Variants in PRKN observed in about 807,000 individuals in gnomAD.
PRKN encodes the protein parkin RBR E3 ubiquitin protein ligase.
In PRKN, 56 loss-of-function variants were observed where a neutral mutation model predicts 59.5. The ratio of observed to expected loss-of-function variants is 0.94; its 90% confidence interval spans 0.76 to 1.18. PRKN has a LOEUF of 1.18. PRKN is among the 50% of genes most tolerant of loss of function. PRKN has a pLI of 0.00. For synonymous variants in PRKN, 250 were observed against 222.1 expected, an observed-to-expected ratio of 1.13 and a Z score of -1.12; for missense variants, 657 against 596.4, an observed-to-expected ratio of 1.10 and a Z score of -1.06.
chr6:162,472,750 C>A (rs1583632326), intron 1 of PRKN, among the ~76,000 whole-genome samples: 1 of 116,174 alleles, frequency 8.6e-6, no homozygotes, highest in East Asian at 2.9e-4. Flanking sequence ...CTTGGCCTCC[C>A]AAAGTGCTGG....
At chr6:162,556,366 T>TGTGTGTGTGTGTGTGC (rs1779587754) in intron 1 of PRKN, among the ~76,000 whole-genome samples, 1 of 98,298 alleles carries the variant, frequency 1.0e-5, no homozygotes, top group African/African-American at 3.0e-5. Context: ...TGTGTGTGTG[T>TGTGTGTGTGTGTGTGC]GTGTGTGTGT....
chr6:162,338,704 T>C (rs1783970295), intron 2 of PRKN, among the ~76,000 whole-genome samples: 1 of 149,806 alleles, frequency 6.7e-6, no homozygotes, highest in African/African-American at 2.5e-5. Context: ...TGTCTCTGCC[T>C]GGCCGCCCAT....
chr6:162,416,542 T>A (rs1330338813), intron 2 of PRKN, among the ~76,000 whole-genome samples: 1 of 152,226 alleles, frequency 6.6e-6, no homozygotes, highest in Non-Finnish European at 1.5e-5. Flanking sequence ...TTTGATAAAT[T>A]CAATTAAACC....
chr6:162,154,969 CAA>C (rs1156918855), intron 4 of PRKN, among the ~76,000 whole-genome samples: 1 of 115,992 alleles, frequency 8.6e-6, no homozygotes. Flanking sequence ...TCAGGTGATG[CAA>C]AAAAAAAAAC....
intron 6 of PRKN, among the ~76,000 whole-genome samples, chr6:161,866,465 C>T (rs1794115138): frequency 6.6e-6 from 1 of 152,026 alleles, no homozygotes; most frequent in Admixed American, 6.6e-5. Flanking sequence ...GTCCCAGCTA[C>T]TTGGGAGGCT....
chr6:162,267,033 C>T (rs772539385), intron 2 of PRKN, among the ~76,000 whole-genome samples: 21 of 152,044 alleles, frequency 1.4e-4, no homozygotes, highest in Non-Finnish European at 2.5e-4. Flanking sequence ...CCATGAAACA[C>T]GTGAAGAACC....
rs968263237 is a variant in PRKN at position 161,476,566 on chromosome 6, T to C, written c.1083+72288A>G. 5.3e-5 allele frequency among the ~76,000 whole-genome samples: 8 copies of C among 152,202 alleles called. No individual in the cohort carries two copies. In the South Asian group the frequency reaches 1.2e-3, roughly 24 times the overall value. On this transcript the variant is annotated intron_variant, in intron 9 of 11. Coordinates refer to ENST00000366898, the MANE Select transcript of PRKN (RefSeq NM_004562.3). Reference sequence around the variant, plus strand: ...AAACATTTTAAAGCTTAAGATGTTATTGAGAGTTCCCCACTGTTGATGATG... The same window carrying C: ...AAACATTTTAAAGCTTAAGATGTTACTGAGAGTTCCCCACTGTTGATGATG...
intron 4 of PRKN, among the ~76,000 whole-genome samples, chr6:162,192,442 A>ATTTTTTTTGTTT (rs1784320376): frequency 1.3e-5 from 1 of 74,692 alleles, no homozygotes. Flanking sequence ...AATTATAGGG[A>ATTTTTTTTGTTT]TTTTTTTTTT....
intron 9 of PRKN, among the ~76,000 whole-genome samples, chr6:161,478,485 C>G (rs965878543): frequency 6.6e-6 from 1 of 152,052 alleles, no homozygotes. Context: ...CTACAAAATA[C>G]TTTCCAAAGG....
chr6:161,843,823 T>G (rs1190373035), intron 6 of PRKN, among the ~76,000 whole-genome samples: 1 of 152,132 alleles, frequency 6.6e-6, no homozygotes, highest in Non-Finnish European at 1.5e-5. Flanking sequence ...ATGCATTCAT[T>G]CATTCCATAG....
intron 1 of PRKN, among the ~76,000 whole-genome samples, chr6:162,631,422 G>A (rs994953937): frequency 6.6e-6 from 1 of 152,204 alleles, no homozygotes; most frequent in African/African-American, 2.4e-5. Flanking sequence ...TAAGAAGGGT[G>A]CTTTAAGAAT....
At chr6:161,599,809 A>G (rs547523232) in intron 7 of PRKN, among the ~76,000 whole-genome samples, 12 of 152,336 alleles carry the variant, frequency 7.9e-5, no homozygotes, top group African/African-American at 2.9e-4. Flanking sequence ...AAACACTCCC[A>G]AAGTATTTTC....
At chr6:161,634,254 C>G (rs890312194) in intron 7 of PRKN, among the ~76,000 whole-genome samples, 2 of 152,152 alleles carry the variant, frequency 1.3e-5, no homozygotes, top group African/African-American at 4.8e-5. Flanking sequence ...ATAGTAGACA[C>G]CCCTGGTGAG....
intron 6 of PRKN, among the ~76,000 whole-genome samples, chr6:161,936,377 T>C (rs1028064537): frequency 5.9e-5 from 9 of 151,928 alleles, no homozygotes; most frequent in Non-Finnish European, 1.0e-4. Flanking sequence ...ACCTGGCTAC[T>C]TTTTTGTATT....
chr6:162,249,110 C>T lies in PRKN; in HGVS notation c.412+13415G>A, dbSNP rs1186053709. Among the ~76,000 whole-genome samples, 12 of 152,106 alleles carry T rather than the reference C, an allele frequency of 7.9e-5. No individual in the cohort carries two copies. In the East Asian group the frequency reaches 2.1e-3, roughly 27 times the overall value. ...GGCCAGGATGGTCTCGATCTCTTGACCTCGTGATCAGCCCGCCTTGGCCTC... is the reference window on the plus strand; with the variant it reads ...GGCCAGGATGGTCTCGATCTCTTGATCTCGTGATCAGCCCGCCTTGGCCTC... On this transcript the variant is annotated intron_variant, in intron 3 of 11. Coordinates refer to ENST00000366898, the MANE Select transcript of PRKN (RefSeq NM_004562.3).
At position 161,361,212 on chromosome 6, in the gene PRKN, T is replaced by C. The variant is rs1749964281; in HGVS notation, c.1168-1007A>G. 6.6e-6 allele frequency among the ~76,000 whole-genome samples: 1 copy of C among 152,252 alleles called. No homozygotes were observed. The highest frequency in any genetic ancestry group is 1.5e-5 in the Non-Finnish European group (1 of 68,042). ...AAACTTTGTCATTTCACTTTCGAAT[T>C]CCAAGCCTTTTTGAAATGTTAAAGT... On this transcript the variant is annotated intron_variant, in intron 10 of 11. Coordinates refer to ENST00000366898, the MANE Select transcript of PRKN (RefSeq NM_004562.3). The surrounding 1 kb of genome is among the most constrained non-coding windows in gnomAD (Gnocchi z 5.2).
At chr6:162,441,393 G>C (rs2128166832) in intron 2 of PRKN, among the ~76,000 whole-genome samples, 1 of 152,232 alleles carries the variant, frequency 6.6e-6, no homozygotes, top group African/African-American at 2.4e-5. Flanking sequence ...CATTCTCTAT[G>C]CTCATTCCCC....
chr6:162,297,668 AT>A (rs1781743275), intron 2 of PRKN, among the ~76,000 whole-genome samples: 8 of 152,288 alleles, frequency 5.3e-5, no homozygotes, highest in South Asian at 4.1e-4. Flanking sequence ...CAGAAAAAAA[AT>A]ATTCTTATTA....
At chr6:162,076,097 T>C (rs991734618) in intron 4 of PRKN, among the ~76,000 whole-genome samples, 1 of 151,744 alleles carries the variant, frequency 6.6e-6, no homozygotes, top group African/African-American at 2.4e-5. Flanking sequence ...ACCTCCCTAG[T>C]AGCTGGGATT....
Sources: gnomAD v4.1 joint callset for allele counts (sites outside exome capture counted in the v4.1 genomes callset) on GRCh38, gnomAD v4.1.1 for gene constraint, Gnocchi (gnomAD v3.1) non-coding constraint, MANE v1.5 for transcripts, NCBI Gene and HGNC (gene_info 2026-07-23, HGNC 2026-07-21) for gene names.